The following LRP2 variants were observed in gnomAD, a reference collection of about 807,000 sequenced individuals.
LRP2 encodes the protein LDL receptor related protein 2.
LRP2 carries 172 observed loss-of-function variants against 531.0 expected under a neutral mutation model. The ratio of observed to expected loss-of-function variants is 0.32; its 90% CI spans 0.29 to 0.37. The LOEUF is 0.37. LRP2 is among the 10% of genes least tolerant of loss of function. The pLI, the probability that LRP2 is intolerant of heterozygous loss-of-function variation, is 1.00. For synonymous variants in LRP2, 1,992 were observed against 2,027.6 expected, an observed-to-expected ratio of 0.98 and a Z score of 0.47; for missense variants, 5,167 against 5,868.3, an observed-to-expected ratio of 0.88 and a Z score of 3.90.
intron 55 of LRP2, among the ~76,000 whole-genome samples, chr2:169,174,809 C>CTTTTTTT (rs36105004): frequency 7.8e-6 from 1 of 128,544 alleles, no homozygotes; most frequent in Admixed American, 8.2e-5. Context: ...TGTGCTCAGT[C>CTTTTTTT]TTTTTTTTTT....
intron 22 of LRP2, among the ~76,000 whole-genome samples, chr2:169,244,201 A>C (rs111477925): frequency 6.6e-6 from 1 of 152,240 alleles, no homozygotes; most frequent in African/African-American, 2.4e-5. Flanking sequence ...AAGACATGAA[A>C]TAAAACAACA....
chr2:169,221,984 T>G (rs768064887), intron 33 of LRP2, among the ~76,000 whole-genome samples: 4 of 152,226 alleles, frequency 2.6e-5, no homozygotes, highest in African/African-American at 4.8e-5. Context: ...GGAACACAGC[T>G]ACCCCTAGTG....
intron 49 of LRP2, among the ~76,000 whole-genome samples, chr2:169,186,834 T>C (rs1687651274): frequency 6.6e-6 from 1 of 152,224 alleles, no homozygotes; most frequent in Admixed American, 6.5e-5. Context: ...AATTATGTAC[T>C]ATTGAGGATT....
chr2:169,314,665 C>G (rs983534406), intron 3 of LRP2, among the ~76,000 whole-genome samples: 9 of 152,094 alleles, frequency 5.9e-5, no homozygotes, highest in Non-Finnish European at 8.8e-5. Flanking sequence ...TCAAGTCAGC[C>G]TACTTCTAAC....
intron 1 of LRP2, among the ~76,000 whole-genome samples, chr2:169,349,182 T>G (rs1477475314): frequency 6.6e-6 from 1 of 152,092 alleles, no homozygotes; most frequent in Non-Finnish European, 1.5e-5. Flanking sequence ...GTTACATACC[T>G]TATGTCAGAT....
At chr2:169,142,465 G>A (rs947200046) in intron 71 of LRP2, among the ~76,000 whole-genome samples, 2 of 152,154 alleles carry the variant, frequency 1.3e-5, no homozygotes, top group Admixed American at 6.5e-5. Context: ...GCAGATCTTA[G>A]CAAATAATTC....
chr2:169,165,994 C>G lies in LRP2; in HGVS notation c.11696G>C (p.Ser3899Thr). ...ATCCACACCATTGCACACCTCATGA[C>G]TATAAATGCAGCGATTGTTGTCACA... ...FRCDNNRCIY[S>T]HEVCNGVDDC... is the part of the protein sequence containing the mutation. Residue 3899 changes from serine to threonine, a missense_variant, in exon 62 of 79, where the codon AGT (serine) becomes ACT (threonine). Ser to Thr is a moderately conservative substitution (Grantham distance 58, BLOSUM62 1). Coordinates refer to ENST00000649046, the MANE Select transcript of LRP2 (RefSeq NM_004525.3). The G allele has an allele frequency of 6.2e-7, 1 of 1,614,080 alleles. No individual in the cohort carries two copies. Among genetic ancestry groups the G allele is most frequent in the Non-Finnish European group, 8.5e-7 (1 of 1,179,966 alleles).
chr2:169,329,670 A>T (rs1272892093), intron 1 of LRP2, among the ~76,000 whole-genome samples: 1 of 152,120 alleles, frequency 6.6e-6, no homozygotes, highest in Admixed American at 6.5e-5. Flanking sequence ...CCAGAACCTC[A>T]CCCCAACCCT....
At chr2:169,246,210 A>G (rs1168149649) in intron 21 of LRP2, among the ~76,000 whole-genome samples, 1 of 151,674 alleles carries the variant, frequency 6.6e-6, no homozygotes, top group Non-Finnish European at 1.5e-5. Flanking sequence ...TATTATTATT[A>G]TACTTTAAGT....
intron 16 of LRP2, among the ~76,000 whole-genome samples, chr2:169,270,274 A>G (rs1170964532): frequency 1.3e-5 from 2 of 152,234 alleles, no homozygotes; most frequent in Non-Finnish European, 2.9e-5. Flanking sequence ...CCAAAGGATT[A>G]TAAATCATGC....
intron 36 of LRP2, 34 bp downstream of exon 36, chr2:169,213,623 C>T (rs762471451): frequency 1.3e-6 from 2 of 1,523,854 alleles, no homozygotes; most frequent in Non-Finnish European, 1.8e-6. Context: ...ATGCATTATA[C>T]ACCCATGAAT....
chr2:169,150,807 A>G (rs1686090025), intron 68 of LRP2, 91 bp downstream of exon 68: 2 of 1,542,212 alleles, frequency 1.3e-6, no homozygotes, highest in East Asian at 4.5e-5. Context: ...AATTTCAGTT[A>G]AACTAGGAAA....
intron 52 of LRP2, among the ~76,000 whole-genome samples, chr2:169,180,367 T>C (rs1262693768): frequency 1.3e-5 from 2 of 152,248 alleles, no homozygotes; most frequent in Non-Finnish European, 2.9e-5. Flanking sequence ...AATAATATTG[T>C]ACTGCTTCTA....
At chr2:169,235,411 G>C (rs1472388643) in intron 29 of LRP2, among the ~76,000 whole-genome samples, 5 of 151,584 alleles carry the variant, frequency 3.3e-5, no homozygotes, top group African/African-American at 7.3e-5. Context: ...GCTAATTTTT[G>C]TGTTTTTAGT....
intron 16 of LRP2, among the ~76,000 whole-genome samples, chr2:169,267,611 T>G (rs2105429979): frequency 6.6e-6 from 1 of 152,142 alleles, no homozygotes; most frequent in East Asian, 1.9e-4. Context: ...AAGTAGGGTG[T>G]AGAAGGAAAT....
chr2:169,286,863 T>C (rs919292856), intron 9 of LRP2, among the ~76,000 whole-genome samples: 1 of 152,214 alleles, frequency 6.6e-6, no homozygotes, highest in African/African-American at 2.4e-5. Flanking sequence ...GCTGATGTAA[T>C]ACTGAGAATG....
chr2:169,256,051 A>G, intron 19 of LRP2, 55 bp downstream of exon 19: 2 of 1,584,928 alleles, frequency 1.3e-6, no homozygotes, highest in Non-Finnish European at 8.7e-7. Flanking sequence ...TGAGTTTACT[A>G]TTGTAACTTG....
chr2:169,159,486 A>G (rs1411301089), intron 63 of LRP2, among the ~76,000 whole-genome samples: 1 of 152,202 alleles, frequency 6.6e-6, no homozygotes, highest in East Asian at 1.9e-4. Context: ...TGTATGCATG[A>G]AAGTCTTATA....
rs777451437 is a variant in LRP2 at position 169,307,444 on chromosome 2, A to G, written c.311-47T>C. ...ACTTAATTTATAATTATTGCTAGAC[A>G]CAGACTAATCTATTGTCATTAACAA... is the stretch of plus-strand genomic sequence containing the variant. On this transcript the variant is annotated intron_variant, in intron 3 of 78. Transcript: ENST00000649046. The G allele has an allele frequency of 1.6e-5, 17 of 1,083,398 alleles. No homozygotes were observed. The South Asian group carries it at 2.0e-4, about 13-fold the overall frequency. 67.1% of individuals were successfully genotyped at this position (1,083,398 alleles called of 1,614,324 possible). A position where few individuals can be genotyped will look rare whatever the true frequency, so the allele number is the denominator to read the frequency against.
Sources: gnomAD v4.1 joint callset for allele counts (sites outside exome capture counted in the v4.1 genomes callset) on GRCh38, gnomAD v4.1.1 for gene constraint, MANE v1.5 for transcripts, NCBI Gene and HGNC (gene_info 2026-07-23, HGNC 2026-07-21) for gene names.